Variants in AKR1C2 observed in about 807,000 individuals in gnomAD.
AKR1C2 encodes the protein 3-alpha-HSD3.
AKR1C2 carries 27 observed loss-of-function variants against 39.8 expected under a neutral mutation model. The observed-to-expected ratio is 0.68, with a 90% CI of 0.50 to 0.93. The LOEUF (loss-of-function observed/expected upper bound fraction) is 0.93, where lower values mean the gene tolerates loss of function less well. Ranked by LOEUF, AKR1C2 falls within the 40% of genes least tolerant of loss-of-function variation. The pLI is 0.00. For missense variants in AKR1C2, 263 were observed against 365.1 expected (o/e 0.72, Z 2.28); for synonymous variants, 114 against 137.9 (o/e 0.83, Z 1.22).
At chr10:4,999,341 T>C (rs1837176022) in intron 3 of AKR1C2, 64 bp from the exon 4 acceptor site, 1 of 1,589,174 alleles carries the variant, frequency 6.3e-7, no homozygotes, top group African/African-American at 1.3e-5. Flanking sequence ...AGCCATGCTC[T>C]GAGGTACATT....
Position 4,998,680 on chromosome 10 carries a change from A to T in AKR1C2, c.515T>A (p.Leu172Gln), listed in dbSNP as rs11474. The change falls in exon 5 of 9, where the codon CTG becomes CAG. Residue 172 changes from leucine to glutamine, a missense_variant. Around this residue, in one of 3 missense-constraint regions of AKR1C2, gnomAD observed 247 missense variants for 267.9 expected, o/e 0.92. Transcript: ENST00000380753. ...TGGCTTGTTGAGGATCATCTCCAGC[A>T]GCCTGTGGTTGAAGTTGGACACCCC... ...SIGVSNFNHR[L>Q]LEMILNKPGL... The T allele has an allele frequency of 2.8e-4, 452 of 1,614,116 alleles. No individual in the cohort carries two copies. The highest frequency in any genetic ancestry group is 3.4e-4 in the Non-Finnish European group (407 of 1,179,984).
chr10:5,008,944 C>T (rs1433000622), upstream of AKR1C2, among the ~76,000 whole-genome samples: 1 of 152,142 alleles, frequency 6.6e-6, no homozygotes, highest in East Asian at 1.9e-4. Flanking sequence ...AAAAGGGGTA[C>T]ACTTGAGCCT....
At position 4,989,002 on chromosome 10, in the gene AKR1C2, A is replaced by G. The variant is rs1317052805; in HGVS notation, c.*994T>C. The G allele has an allele frequency of 6.6e-6, 1 of 152,158 alleles. No homozygotes were observed. Among genetic ancestry groups the G allele is most frequent in the African/African-American group, 2.4e-5 (1 of 41,442 alleles). 9.4% of individuals were successfully genotyped at this position (152,158 alleles called of 1,614,324 possible). A position where few individuals can be genotyped will look rare whatever the true frequency, so the allele number is the denominator to read the frequency against. ...ATTAGATGTATTATTTCCCATTTTAATCTTGAGTGCCATGCATAATGGCTT... is the reference window on the plus strand; with the variant it reads ...ATTAGATGTATTATTTCCCATTTTAGTCTTGAGTGCCATGCATAATGGCTT... On this transcript the variant is annotated 3_prime_UTR_variant, in exon 9 of 9. Coordinates refer to ENST00000380753, the MANE Select transcript of AKR1C2 (RefSeq NM_001393392.1).
At position 4,989,188 on chromosome 10, in the gene AKR1C2, G is replaced by A. The variant is rs1240996340; in HGVS notation, c.*808C>T. The A allele has an allele frequency of 5.3e-5, 8 of 152,156 alleles. No individual in the cohort carries two copies. In the East Asian group the frequency reaches 1.5e-3, roughly 29 times the overall value. 9.4% of individuals were successfully genotyped at this position (152,156 alleles called of 1,614,324 possible). On this transcript the variant is annotated 3_prime_UTR_variant, in exon 9 of 9. Transcript: ENST00000380753. Reference sequence around the variant, plus strand: ...GTGATGAGTCAATGATATCTTCGATGTCCTGCCCCACCACAAACCAATAGG... The same window carrying A: ...GTGATGAGTCAATGATATCTTCGATATCCTGCCCCACCACAAACCAATAGG...
intron 5 of AKR1C2, among the ~76,000 whole-genome samples, chr10:4,996,581 TA>T (rs1459519733): frequency 6.8e-6 from 1 of 147,922 alleles, no homozygotes; most frequent in Non-Finnish European, 1.5e-5. Context: ...ATGTGAGCAT[TA>T]AAAAATGAGT....
In AKR1C2 at chr10:4,989,392, A is replaced by G. The variant is rs1424028996; in HGVS notation, c.*604T>C. 1.3e-5 allele frequency: 2 copies of G among 151,738 alleles called. No individual in the cohort carries two copies. Among genetic ancestry groups the G allele is most frequent in the African/African-American group, 2.4e-5 (1 of 41,224 alleles). 9.4% of individuals were successfully genotyped at this position (151,738 alleles called of 1,614,324 possible). A position where few individuals can be genotyped will look rare whatever the true frequency, so the allele number is the denominator to read the frequency against. On this transcript the variant is annotated 3_prime_UTR_variant, in exon 9 of 9. Coordinates refer to ENST00000380753, the MANE Select transcript of AKR1C2 (RefSeq NM_001393392.1). ...ACTCTGTCCTATTTAGCCTTCCCATACCTGACTTCTAATCACTTTTCCTGG... is the reference window on the plus strand; with the variant it reads ...ACTCTGTCCTATTTAGCCTTCCCATGCCTGACTTCTAATCACTTTTCCTGG...
upstream of AKR1C2, among the ~76,000 whole-genome samples, chr10:5,005,220 A>G (rs112150433): frequency 0.085 from 12,910 of 152,200 alleles, 584 homozygotes; most frequent in Middle Eastern, 0.14. Context: ...CACAGTCCAC[A>G]TAGGTACATG....
intron 1 of AKR1C2, among the ~76,000 whole-genome samples, chr10:5,016,394 A>T (rs1227660987): frequency 6.6e-6 from 1 of 152,232 alleles, no homozygotes; most frequent in Non-Finnish European, 1.5e-5. Flanking sequence ...AAATTGGCCC[A>T]AACAAAGGGG....
intron 7 of AKR1C2, among the ~76,000 whole-genome samples, chr10:4,994,433 G>T (rs566841302): frequency 1.0e-3 from 153 of 152,210 alleles, no homozygotes; most frequent in African/African-American, 3.5e-3. Flanking sequence ...GGTGGTGTGT[G>T]TTTCCCCACC....
chr10:5,007,940 C>A (rs1194148460), upstream of AKR1C2, among the ~76,000 whole-genome samples: 2 of 150,334 alleles, frequency 1.3e-5, no homozygotes, highest in African/African-American at 5.0e-5. Context: ...CTTAAAGCTG[C>A]AAAATCAACT....
In AKR1C2 at chr10:4,988,999, T is replaced by G. The variant is rs1218949346; in HGVS notation, c.*997A>C. 1.3e-5 allele frequency: 2 copies of G among 152,196 alleles called. No homozygotes were observed. The highest frequency in any genetic ancestry group is 4.8e-5 in the African/African-American group (2 of 41,458). 9.4% of individuals were successfully genotyped at this position (152,196 alleles called of 1,614,324 possible). On this transcript the variant is annotated 3_prime_UTR_variant, in exon 9 of 9. Coordinates refer to ENST00000380753, the MANE Select transcript of AKR1C2 (RefSeq NM_001393392.1). The stretch of plus-strand genomic sequence containing the variant: ...TTTATTAGATGTATTATTTCCCATT[T>G]TAATCTTGAGTGCCATGCATAATGG...
At chr10:5,000,716 T>G in intron 2 of AKR1C2, 50 bp from the exon 3 acceptor site, 1 of 1,557,786 alleles carries the variant, frequency 6.4e-7, no homozygotes, top group African/African-American at 1.4e-5. Context: ...TGAGCCAGTT[T>G]TACTAGTTTG....
At chr10:5,003,873 C>A, upstream of AKR1C2, 1 of 1,612,306 alleles carries the variant, frequency 6.2e-7, no homozygotes, top group South Asian at 1.1e-5. Context: ...TTTCTTCCTC[C>A]CTCACAGGCT....
intron 4 of AKR1C2, among the ~76,000 whole-genome samples, 157 bp from the exon 5 acceptor site, chr10:4,998,904 G>C (rs1222539016): frequency 6.6e-6 from 1 of 152,162 alleles, no homozygotes; most frequent in East Asian, 1.9e-4. Flanking sequence ...AAAAATTGGG[G>C]AAGAAGATAG....
At chr10:5,000,198 G>T in intron 3 of AKR1C2, 1 of 1,416,698 alleles carries the variant, frequency 7.1e-7, no homozygotes, top group South Asian at 1.6e-5. Flanking sequence ...CAGGTTTTCT[G>T]GACACCACAG....
intron 1 of AKR1C2, chr10:5,013,264 A>C (rs1837560301): frequency 1.3e-5 from 2 of 152,232 alleles, no homozygotes. Flanking sequence ...TAATTCTGAA[A>C]AATTACCTTA....
chr10:5,015,054 G>A (rs1478904786), intron 1 of AKR1C2: 2 of 152,186 alleles, frequency 1.3e-5, no homozygotes, highest in Non-Finnish European at 2.9e-5. Context: ...GGCTGCTTCT[G>A]TCCACAAAGA....
intron 1 of AKR1C2, among the ~76,000 whole-genome samples, chr10:5,012,426 T>G (rs1195625171): frequency 5.3e-5 from 8 of 151,476 alleles, no homozygotes; most frequent in Non-Finnish European, 1.2e-4. Context: ...ATCATCTGGA[T>G]GGGCAATGTC....
Position 5,016,451 on chromosome 10 carries a change from T to C in AKR1C2, c.-88+1449A>G, listed in dbSNP as rs540581091. 1.1e-4 allele frequency among the ~76,000 whole-genome samples: 17 copies of C among 152,344 alleles called. No homozygotes were observed. The East Asian group carries it at 3.1e-3, about 28-fold the overall frequency. On this transcript the variant is annotated intron_variant, in intron 1 of 6. Coordinates refer to the AKR1C2 transcript ENST00000604507. ...AAAACCCAGAAAGGCAGTCAATAAA[T>C]TTCAAAGCTCCGAAATAATCTCTAT...
Sources: allele counts gnomAD v4.1 joint callset (sites outside exome capture counted in the v4.1 genomes callset), GRCh38; gene constraint gnomAD v4.1.1; regional missense constraint gnomAD v4.1.1; transcripts MANE v1.5; gene names NCBI Gene and HGNC (gene_info 2026-07-23, HGNC 2026-07-21).